The following ZBTB8B variants were observed in gnomAD, a reference collection of about 807,000 sequenced individuals.
The protein encoded by ZBTB8B is zinc finger and BTB domain-containing protein 8B.
In ZBTB8B, 17 loss-of-function variants were observed where a neutral mutation model predicts 30.3. That is an observed-to-expected ratio of 0.56 (90% CI 0.38 to 0.84). The LOEUF is 0.84. ZBTB8B is among the 40% of genes least tolerant of loss of function. The pLI is 0.00. For missense variants in ZBTB8B, 515 were observed against 644.9 expected (o/e 0.80, Z 2.18); for synonymous variants, 248 against 255.6 (o/e 0.97, Z 0.28).
Position 32,485,606 on chromosome 1 carries a change from G to C in ZBTB8B, c.*188G>C. On this transcript the variant is annotated 3_prime_UTR_variant, in exon 4 of 4. Coordinates refer to ENST00000609129, the MANE Select transcript of ZBTB8B (RefSeq NM_001145720.2). ...GACTCAAAGGACAGATAACCTTTTT[G>C]TGTGGTGCCCTTGGTTTCTGAGGGC... is the stretch of plus-strand genomic sequence containing the variant. 1.6e-6 allele frequency: 1 copy of C among 639,812 alleles called. No homozygotes were observed. The highest frequency in any genetic ancestry group is 2.6e-6 in the Non-Finnish European group (1 of 379,906). The allele number at this position is 639,812 out of a possible 1,614,324, so 39.6% of individuals were successfully genotyped here.
chr1:32,470,414 G>A (rs1350859252), intron 1 of ZBTB8B, among the ~76,000 whole-genome samples, 170 bp from the exon 2 acceptor site: 1 of 150,442 alleles, frequency 6.6e-6, no homozygotes, highest in African/African-American at 2.5e-5. Context: ...GCAGGAGGAT[G>A]GCGTGAACCC....
chr1:32,486,962 G>A lies in ZBTB8B; in HGVS notation c.*1544G>A, dbSNP rs1643750491. On this transcript the variant is annotated 3_prime_UTR_variant, in exon 4 of 4. Coordinates refer to ENST00000609129, the MANE Select transcript of ZBTB8B (RefSeq NM_001145720.2). ...CCACACAATTATTGTAACAAAAGAG[G>A]CTGAACTCTTTAAAGGGCTAAAGGG... 3 of 152,166 alleles carry A rather than the reference G, an allele frequency of 2.0e-5. No individual in the cohort carries two copies. The highest frequency in any genetic ancestry group is 3.2e-3 in the Middle Eastern group (1 of 316). 9.4% of individuals were successfully genotyped at this position (152,166 alleles called of 1,614,324 possible).
rs1643618717 is a variant in ZBTB8B, at chr1:32,471,311, C to T, written c.687C>T (p.Pro229=). Residue 229 remains proline (P), a synonymous_variant, in exon 2 of 4, where the codon CCC becomes CCT. Transcript: ENST00000609129. ...CTACTCCACCCAAACGGATAGAGCC[C>T]AAGGTGGAATTTGATGCTGATGAAG... The part of the protein sequence containing the change: ...NLSTPPKRIE[P]KVEFDADEVE... The T allele has an allele frequency of 1.9e-6, 3 of 1,551,796 alleles. No homozygotes were observed. The highest frequency in any genetic ancestry group is 2.6e-6 in the Non-Finnish European group (3 of 1,147,010).
chr1:32,472,431 C>T (rs972933073), intron 2 of ZBTB8B, among the ~76,000 whole-genome samples: 8 of 152,166 alleles, frequency 5.3e-5, no homozygotes, highest in African/African-American at 1.9e-4. Flanking sequence ...TCTCACATAT[C>T]ATCTTAGATT....
In ZBTB8B at chr1:32,487,223, G is replaced by T. The variant is rs77046897; in HGVS notation, c.*1805G>T. The T allele has an allele frequency of 6.6e-6, 1 of 152,162 alleles. No individual in the cohort carries two copies. The highest frequency in any genetic ancestry group is 2.4e-5 in the African/African-American group (1 of 41,434). 9.4% of individuals were successfully genotyped at this position (152,162 alleles called of 1,614,324 possible). On this transcript the variant is annotated 3_prime_UTR_variant, in exon 4 of 4. Transcript: ENST00000609129. ...AAAGCATTAGACAGGTGTTTAAGTC[G>T]TACTTCTCAATAGTAGTTAAAACTG...
chr1:32,492,113 A>G lies in ZBTB8B; in HGVS notation c.*6695A>G, dbSNP rs532127521. On this transcript the variant is annotated 3_prime_UTR_variant, in exon 4 of 4. Transcript: ENST00000609129. ...AGGTGTGTGTAAGAGTTGGCTTAAC[A>G]GTCAAAATGATCCTAGCCAAAATAT... The G allele has an allele frequency of 3.3e-5, 5 of 152,290 alleles. No individual in the cohort carries two copies. The highest frequency in any genetic ancestry group is 4.1e-4 in the South Asian group (2 of 4,820). The allele number at this position is 152,290 out of a possible 1,614,324, so 9.4% of individuals were successfully genotyped here.
intron 2 of ZBTB8B, among the ~76,000 whole-genome samples, chr1:32,478,848 T>G (rs949899311): frequency 6.6e-6 from 1 of 152,160 alleles, no homozygotes; most frequent in Non-Finnish European, 1.5e-5. Flanking sequence ...GTTACTCCAG[T>G]GTTGACAGAG....
At position 32,495,167 on chromosome 1, in the gene ZBTB8B, GA is replaced by G. The variant is rs969238634; in HGVS notation, c.*9753del. 6.6e-6 allele frequency: 1 copy of G among 152,184 alleles called. No homozygotes were observed. Among genetic ancestry groups the G allele is most frequent in the African/African-American group, 2.4e-5 (1 of 41,446 alleles). The allele number at this position is 152,184 out of a possible 1,614,324, so 9.4% of individuals were successfully genotyped here. On this transcript the variant is annotated 3_prime_UTR_variant, in exon 4 of 4. Transcript: ENST00000609129. ...AACAAGAACAATCTTATTTGAAACA[GA>G]AAACCACATATTTTTAAGTCAGCAG...
chr1:32,482,993 C>T (rs1281444170), intron 3 of ZBTB8B, among the ~76,000 whole-genome samples: 1 of 151,808 alleles, frequency 6.6e-6, no homozygotes, highest in East Asian at 1.9e-4. Flanking sequence ...AGCCTCTCCC[C>T]GTCTCTGCCT....
At chr1:32,473,237 C>T (rs555413505) in intron 2 of ZBTB8B, among the ~76,000 whole-genome samples, 4 of 151,678 alleles carry the variant, frequency 2.6e-5, no homozygotes, top group South Asian at 2.1e-4. Flanking sequence ...ACCTAGGAGG[C>T]GGAGCTTGCA....
At chr1:32,469,035 A>AT (rs1643595568) in intron 1 of ZBTB8B, among the ~76,000 whole-genome samples, 1 of 151,760 alleles carries the variant, frequency 6.6e-6, no homozygotes, top group Non-Finnish European at 1.5e-5. Flanking sequence ...TACAAAAAAA[A>AT]ATTTTTTTTT....
chr1:32,476,033 G>T (rs1373848645), intron 2 of ZBTB8B, among the ~76,000 whole-genome samples: 1 of 152,014 alleles, frequency 6.6e-6, no homozygotes, highest in Non-Finnish European at 1.5e-5. Flanking sequence ...GATCAGGCTG[G>T]TCTCAAACTC....
chr1:32,473,645 T>G (rs1319955829), intron 2 of ZBTB8B, among the ~76,000 whole-genome samples: 1 of 151,724 alleles, frequency 6.6e-6, no homozygotes, highest in Non-Finnish European at 1.5e-5. Flanking sequence ...CCCAAGTAGC[T>G]GTGATTACGG....
rs1433229125 is a variant in ZBTB8B, at chr1:32,495,399, G to T, written c.*9981G>T. 1 of 152,030 alleles carries T rather than the reference G, an allele frequency of 6.6e-6. No homozygotes were observed. 9.4% of individuals were successfully genotyped at this position (152,030 alleles called of 1,614,324 possible). A position where few individuals can be genotyped will look rare whatever the true frequency, so the allele number is the denominator to read the frequency against. ...TTTTAATGAAATATTTATCTAGTTTGGGATTAAAATTAACTTAGGGCCATC... is the reference window on the plus strand; with the variant it reads ...TTTTAATGAAATATTTATCTAGTTTTGGATTAAAATTAACTTAGGGCCATC... On this transcript the variant is annotated 3_prime_UTR_variant, in exon 4 of 4. Coordinates refer to ENST00000609129, the MANE Select transcript of ZBTB8B (RefSeq NM_001145720.2).
rs905877706 is a variant in ZBTB8B, at chr1:32,465,435, C to G, written c.-42+330C>G. Among the ~76,000 whole-genome samples the G allele has an allele frequency of 1.3e-5, 2 of 152,240 alleles. No homozygotes were observed. Among genetic ancestry groups the G allele is most frequent in the Non-Finnish European group, 2.9e-5 (2 of 68,044 alleles). ...CTCGGCCACACTGGAGAAGTGCCAG[C>G]GGCAGCGATGGCCACTTTGTCCGCG... On this transcript the variant is annotated intron_variant, in intron 1 of 3. Transcript: ENST00000609129. This position sits in a 1 kb window ranked among gnomAD's most constrained non-coding sequence, Gnocchi z 4.1.
At chr1:32,478,419 GGA>G (rs2148184030) in intron 2 of ZBTB8B, among the ~76,000 whole-genome samples, 1 of 152,164 alleles carries the variant, frequency 6.6e-6, no homozygotes, top group East Asian at 1.9e-4. Context: ...AGCTGAGGCA[GGA>G]GAATCACCTG....
rs1479325704 is a variant in ZBTB8B at position 32,487,000 on chromosome 1, G to A, written c.*1582G>A. ...AAGGGCTAAAGGGCAGGCAGTGTTAGGAATTCGGAATGTAATTGAAGGCAA... is the reference window on the plus strand; with the variant it reads ...AAGGGCTAAAGGGCAGGCAGTGTTAAGAATTCGGAATGTAATTGAAGGCAA... On this transcript the variant is annotated 3_prime_UTR_variant, in exon 4 of 4. Transcript: ENST00000609129. 2 of 152,158 alleles carry A rather than the reference G, an allele frequency of 1.3e-5. No individual in the cohort carries two copies. Among genetic ancestry groups the A allele is most frequent in the East Asian group, 3.8e-4 (2 of 5,200 alleles). 9.4% of individuals were successfully genotyped at this position (152,158 alleles called of 1,614,324 possible). A position where few individuals can be genotyped will look rare whatever the true frequency, so the allele number is the denominator to read the frequency against.
At position 32,471,151 on chromosome 1, in the gene ZBTB8B, TCTC is replaced by T. The variant is rs1400327646; in HGVS notation, c.531_533del (p.Ser178del). ...ACCTCCTGTGGTACCAAGAGCTTGGTCTCCTCTCCAGCCGAGGGAGAAAAGAGC... is the reference window on the plus strand; with the variant it reads ...ACCTCCTGTGGTACCAAGAGCTTGGTCTCTCCAGCCGAGGGAGAAAAGAGC... On this transcript the variant is annotated inframe_deletion, in exon 2 of 4. Coordinates refer to ENST00000609129, the MANE Select transcript of ZBTB8B (RefSeq NM_001145720.2). 1 of 1,551,608 alleles carries T rather than the reference TCTC, an allele frequency of 6.4e-7. No homozygotes were observed. The highest frequency in any genetic ancestry group is 1.4e-5 in the African/African-American group (1 of 73,126).
At chr1:32,466,108 G>A (rs79690883) in intron 1 of ZBTB8B, among the ~76,000 whole-genome samples, 1,884 of 152,308 alleles carry the variant, frequency 0.012, 37 homozygotes, top group African/African-American at 0.043. Flanking sequence ...ATAAGGAATA[G>A]TGCTTAATAT....
Sources: gnomAD v4.1 joint callset for allele counts (sites outside exome capture counted in the v4.1 genomes callset) on GRCh38, gnomAD v4.1.1 for gene constraint, Gnocchi (gnomAD v3.1) non-coding constraint, MANE v1.5 for transcripts, NCBI Gene and HGNC (gene_info 2026-07-23, HGNC 2026-07-21) for gene names.